ROS1: variants seen among roughly 807,000 people sequenced by gnomAD.
The protein encoded by ROS1 is ROS proto-oncogene 1, receptor tyrosine kinase, also known as proto-oncogene tyrosine-protein kinase ROS.
Under a neutral mutation model 273.5 loss-of-function variants are expected in ROS1, and 263 were observed. The ratio of observed to expected loss-of-function variants is 0.96; its 90% CI spans 0.87 to 1.06. The LOEUF is 1.06. Among genes scored for constraint, ROS1 ranks in the 50% least tolerant of loss-of-function variants. The pLI is 0.00. For missense variants in ROS1, 2,833 were observed against 2,751.1 expected, an observed-to-expected ratio of 1.03 and a Z score of -0.67; for synonymous variants, 1,008 against 954.1, an observed-to-expected ratio of 1.06 and a Z score of -1.04.
Position 117,344,255 on chromosome 6 carries a change from C to G in ROS1, c.4311G>C (p.Ala1437=). ...CAGTGTCTGAAGCTAGAGACAGAAA[C>G]GCTTTATCTAAAATAAGAAGAAACC... The part of the protein sequence containing the change: ...SSVMQPFPDK[A]FLSLASDTVE... The change falls in exon 28 of 44, where the codon GCG becomes GCC. Residue 1437 remains alanine (A), a synonymous_variant. Transcript: ENST00000368507. 1.9e-6 allele frequency: 3 copies of G among 1,612,136 alleles called. No individual in the cohort carries two copies. The highest frequency in any genetic ancestry group is 2.5e-6 in the Non-Finnish European group (3 of 1,178,580).
Position 117,416,270 on chromosome 6 carries a change from A to T in ROS1, c.216T>A (p.Cys72Ter), listed in dbSNP as rs1241089279. 1 of 1,588,542 alleles carries T rather than the reference A, an allele frequency of 6.3e-7. No individual in the cohort carries two copies. Among genetic ancestry groups the T allele is most frequent in the Non-Finnish European group, 8.6e-7 (1 of 1,156,882 alleles). Residue 72 changes from cysteine (C) to a stop codon, truncating the protein, a stop_gained, in exon 3 of 44, where the codon TGT becomes TGA. Coordinates refer to ENST00000368507, the MANE Select transcript of ROS1 (RefSeq NM_001378902.1). LOFTEE classifies it high-confidence loss of function. ...AATTAATACTTACACACTTTAAAGCACAGTTTTTCTGATCTACAGAGTTCC... is the reference window on the plus strand; with the variant it reads ...AATTAATACTTACACACTTTAAAGCTCAGTTTTTCTGATCTACAGAGTTCC... Reference protein sequence around the residue: ...HFWNSVDQKNCALKCNDTYAT... With the variant: ...HFWNSVDQKN
At chr6:117,387,585 C>T (rs1360906246) in intron 14 of ROS1, among the ~76,000 whole-genome samples, 195 bp downstream of exon 14, 1 of 152,132 alleles carries the variant, frequency 6.6e-6, no homozygotes, top group African/African-American at 2.4e-5. Context: ...AATTAAATAT[C>T]ACACAGTGCT....
chr6:117,372,145 G>A (rs1294812535), intron 18 of ROS1, among the ~76,000 whole-genome samples: 3 of 152,134 alleles, frequency 2.0e-5, no homozygotes, highest in Admixed American at 6.5e-5. Flanking sequence ...ACATTACACT[G>A]AATAGAGAAA....
chr6:117,356,903 C>A lies in ROS1; in HGVS notation c.3852G>T (p.Trp1284Cys). 2 of 1,613,500 alleles carry A rather than the reference C, an allele frequency of 1.2e-6. No individual in the cohort carries two copies. Among genetic ancestry groups the A allele is most frequent in the Non-Finnish European group, 1.7e-6 (2 of 1,179,718 alleles). The change falls in exon 26 of 44, where the codon TGG becomes TGT. Residue 1284 changes from tryptophan to cysteine, a missense_variant. Trp to Cys is a radical substitution (Grantham distance 215). Transcript: ENST00000368507. ...GGTAGCCAAAATTGGAAACTTCTGT[C>A]CAATACAAGCGACTATAGAGGAAAA... ...SVYPLLSRLY[W>C]TEVSNFGYQM...
chr6:117,388,631 C>T (rs1377383063), intron 13 of ROS1, among the ~76,000 whole-genome samples: 1 of 152,184 alleles, frequency 6.6e-6, no homozygotes, highest in African/African-American at 2.4e-5. Flanking sequence ...TGTCTTCACA[C>T]TACAACGACA....
At chr6:117,343,154 A>T (rs1778088164) in intron 28 of ROS1, among the ~76,000 whole-genome samples, 1 of 152,022 alleles carries the variant, frequency 6.6e-6, no homozygotes, top group Non-Finnish European at 1.5e-5. Context: ...ACTGTTAATC[A>T]ATGAGAAGAC....
chr6:117,294,475 A>T (rs1167010124), intron 43 of ROS1, among the ~76,000 whole-genome samples: 2 of 152,174 alleles, frequency 1.3e-5, no homozygotes, highest in African/African-American at 2.4e-5. Flanking sequence ...ACTTGATCAT[A>T]GTATACTATC....
intron 7 of ROS1, among the ~76,000 whole-genome samples, chr6:117,397,814 C>G (rs1484117401): frequency 6.6e-6 from 1 of 152,238 alleles, no homozygotes; most frequent in African/African-American, 2.4e-5. Flanking sequence ...AATGATCTGA[C>G]AGCCTAGCTT....
In ROS1 at chr6:117,336,153, A is replaced by T. The variant is rs1408768963; in HGVS notation, c.5230+1019T>A. Among the ~76,000 whole-genome samples, 3 of 152,160 alleles carry T rather than the reference A, an allele frequency of 2.0e-5. No individual in the cohort carries two copies. The East Asian group carries it at 5.8e-4, about 29-fold the overall frequency. ...ATAAGTTTTGGAGCATTTTCCCTCC[A>T]TTCTTTTTTTCAAATTTTTTTATTT... On this transcript the variant is annotated intron_variant, in intron 32 of 43. Transcript: ENST00000368507.
At chr6:117,308,644 G>C (rs1775299087) in intron 42 of ROS1, 150 bp downstream of exon 42, 2 of 730,552 alleles carry the variant, frequency 2.7e-6, no homozygotes, top group Non-Finnish European at 2.1e-6. Context: ...TTCACAAATT[G>C]ACACAATGAA....
chr6:117,310,790 G>A lies in ROS1; in HGVS notation c.6215+230C>T, dbSNP rs891449266. Among the ~76,000 whole-genome samples, 9 of 152,182 alleles carry A rather than the reference G, an allele frequency of 5.9e-5. No individual in the cohort carries two copies. The East Asian group carries it at 1.4e-3, about 23-fold the overall frequency. On this transcript the variant is annotated intron_variant, in intron 40 of 43. Coordinates refer to ENST00000368507, the MANE Select transcript of ROS1 (RefSeq NM_001378902.1). ...CATTTTCTTTACCCAGTCTATCATC[G>A]ATGGGCATTTGCGTTGGTTCCAAGT... is the stretch of plus-strand genomic sequence containing the variant.
intron 10 of ROS1, 107 bp from the exon 11 acceptor site, chr6:117,394,453 GTATTT>G: frequency 1.2e-6 from 1 of 824,008 alleles, no homozygotes; most frequent in Non-Finnish European, 1.7e-6. Flanking sequence ...TAAAATAGAA[GTATTT>G]TATTTTAAAA....
At chr6:117,298,394 A>T (rs511764) in intron 43 of ROS1, among the ~76,000 whole-genome samples, 28,453 of 152,204 alleles carry the variant, frequency 0.19, 3,239 homozygotes, top group Non-Finnish European at 0.27. Flanking sequence ...CCAAGCAAGC[A>T]AAACCATGTT....
intron 43 of ROS1, among the ~76,000 whole-genome samples, chr6:117,292,161 G>A (rs768713164): frequency 1.8e-4 from 28 of 151,852 alleles, no homozygotes; most frequent in Non-Finnish European, 3.7e-4. Flanking sequence ...TAGTAGAGAC[G>A]CGGTTTCACC....
chr6:117,385,387 T>A (rs1192350197), intron 16 of ROS1, among the ~76,000 whole-genome samples: 1 of 152,036 alleles, frequency 6.6e-6, no homozygotes. Flanking sequence ...AAACCCCATC[T>A]CCACTGAAAA....
intron 5 of ROS1, among the ~76,000 whole-genome samples, chr6:117,404,926 T>G (rs978681588): frequency 6.6e-6 from 1 of 152,228 alleles, no homozygotes; most frequent in Non-Finnish European, 1.5e-5. Flanking sequence ...AAGGACACTA[T>G]GATTGGCTGT....
At chr6:117,411,139 T>A (rs1202876996) in intron 4 of ROS1, among the ~76,000 whole-genome samples, 2 of 152,090 alleles carry the variant, frequency 1.3e-5, no homozygotes, top group Non-Finnish European at 2.9e-5. Context: ...GGGAAATCGA[T>A]AATAAAATTC....
chr6:117,289,727 T>A (rs1773694050), intron 43 of ROS1, among the ~76,000 whole-genome samples: 1 of 152,158 alleles, frequency 6.6e-6, no homozygotes, highest in Non-Finnish European at 1.5e-5. Flanking sequence ...TCAAAACACA[T>A]GAATAGTTAG....
At chr6:117,321,196 A>C in intron 36 of ROS1, 63 bp downstream of exon 36, 1 of 1,551,086 alleles carries the variant, frequency 6.4e-7, no homozygotes. Flanking sequence ...ATTCATAGGC[A>C]CTCTCCTTAC....
Sources: allele counts gnomAD v4.1 joint callset (sites outside exome capture counted in the v4.1 genomes callset), GRCh38; gene constraint gnomAD v4.1.1; transcripts MANE v1.5; gene names NCBI Gene and HGNC (gene_info 2026-07-23, HGNC 2026-07-21).